Variants in PCDH15 observed in about 807,000 individuals in gnomAD.
PCDH15 encodes the protein protocadherin-15.
Under a neutral mutation model 178.5 loss-of-function variants are expected in PCDH15, and 129 were observed. That is an observed-to-expected ratio of 0.72 (90% CI 0.63 to 0.84). The LOEUF (loss-of-function observed/expected upper bound fraction) is 0.84, where lower values mean the gene tolerates loss of function less well. PCDH15 is among the 40% of genes least tolerant of loss of function. The pLI is 0.00. For missense variants in PCDH15, 2,230 were observed against 2,099.9 expected (o/e 1.06, Z -1.21); for synonymous variants, 800 against 732.0 (o/e 1.09, Z -1.50).
chr10:53,808,800 C>A, intron 37 of PCDH15: 2 of 1,611,782 alleles, frequency 1.2e-6, no homozygotes, highest in Non-Finnish European at 1.7e-6. Context: ...GACCTCCAGA[C>A]TGACTTTCGC....
chr10:54,725,920 T>G (rs1006450033), intron 1 of PCDH15, among the ~76,000 whole-genome samples: 1 of 151,612 alleles, frequency 6.6e-6, no homozygotes, highest in Non-Finnish European at 1.5e-5. Context: ...TGCACTAACT[T>G]GATTGTCACA....
chr10:55,041,374 C>T (rs947592808), intron 2 of PCDH15, among the ~76,000 whole-genome samples: 1 of 152,068 alleles, frequency 6.6e-6, no homozygotes, highest in African/African-American at 2.4e-5. Context: ...GGAGCTAGAA[C>T]TAATGTATGA....
chr10:54,659,420 T>G (rs1274004231), intron 2 of PCDH15, among the ~76,000 whole-genome samples: 1 of 152,126 alleles, frequency 6.6e-6, no homozygotes, highest in African/African-American at 2.4e-5. Context: ...ATCAAAATTA[T>G]GCCAGTTATC....
chr10:55,391,572 C>A (rs925984450), intron 2 of PCDH15, among the ~76,000 whole-genome samples: 1 of 151,960 alleles, frequency 6.6e-6, no homozygotes, highest in Admixed American at 6.6e-5. Context: ...CTGCAACCTC[C>A]GCCTCCCAGA....
chr10:54,675,691 T>A, intron 1 of PCDH15, among the ~76,000 whole-genome samples: 1 of 152,178 alleles, frequency 6.6e-6, no homozygotes, highest in South Asian at 2.1e-4. Context: ...TCCTTTGTAT[T>A]CAGCGAACAC....
chr10:54,154,599 T>A (rs1160365279), intron 13 of PCDH15, among the ~76,000 whole-genome samples: 1 of 152,192 alleles, frequency 6.6e-6, no homozygotes, highest in Non-Finnish European at 1.5e-5. Flanking sequence ...ATGTTTAATA[T>A]CCTCAATAAA....
chr10:55,547,910 T>TGAGAGAGAGAGAGAGAGA (rs763752387), intron 2 of PCDH15, among the ~76,000 whole-genome samples: 5 of 54,512 alleles, frequency 9.2e-5, no homozygotes, highest in South Asian at 9.7e-4. Context: ...TGTGTGTGTG[T>TGAGAGAGAGAGAGAGAGA]GAGAGAGAGA....
intron 2 of PCDH15, among the ~76,000 whole-genome samples, chr10:55,018,240 T>C (rs1840232601): frequency 6.6e-6 from 1 of 152,026 alleles, no homozygotes; most frequent in Non-Finnish European, 1.5e-5. Flanking sequence ...ATGATGAACA[T>C]TTAGGGAACC....
chr10:54,264,620 T>C (rs1283948988), intron 8 of PCDH15, among the ~76,000 whole-genome samples: 2 of 152,110 alleles, frequency 1.3e-5, no homozygotes, highest in African/African-American at 4.8e-5. Context: ...GAAATACGGT[T>C]GGGAGTCTTA....
chr10:54,450,114 C>T (rs1232867836), intron 3 of PCDH15, among the ~76,000 whole-genome samples: 5 of 127,118 alleles, frequency 3.9e-5, no homozygotes, highest in African/African-American at 1.5e-4. Context: ...TGGCAGATGA[C>T]TATTCCTTTT....
At chr10:54,334,698 C>CACACAT (rs1424259554) in intron 6 of PCDH15, among the ~76,000 whole-genome samples, 1 of 151,848 alleles carries the variant, frequency 6.6e-6, no homozygotes, top group Non-Finnish European at 1.5e-5. Flanking sequence ...CACACACACA[C>CACACAT]ACACACACAC....
At chr10:54,556,979 A>G (rs948650898) in intron 2 of PCDH15, among the ~76,000 whole-genome samples, 3 of 152,084 alleles carry the variant, frequency 2.0e-5, no homozygotes, top group Non-Finnish European at 4.4e-5. Context: ...TTTGTGCATG[A>G]TCAATTTGGA....
intron 2 of PCDH15, among the ~76,000 whole-genome samples, chr10:55,371,343 G>A (rs1396867011): frequency 1.3e-5 from 2 of 152,056 alleles, no homozygotes; most frequent in South Asian, 2.1e-4. Flanking sequence ...AATTCGTGGA[G>A]GGGCCTTATA....
chr10:54,856,262 C>G (rs1170124835), intron 3 of PCDH15, among the ~76,000 whole-genome samples: 1 of 152,124 alleles, frequency 6.6e-6, no homozygotes, highest in African/African-American at 2.4e-5. Context: ...ACAGAAAATG[C>G]ACACTTCAGA....
At chr10:53,903,510 C>T in intron 25 of PCDH15, 140 bp from the exon 26 acceptor site, 2 of 878,522 alleles carry the variant, frequency 2.3e-6, no homozygotes, top group Non-Finnish European at 3.6e-6. Context: ...ATGCCTAGCA[C>T]CCCCAAATTC....
At chr10:54,361,895 C>T (rs965837973) in intron 5 of PCDH15, among the ~76,000 whole-genome samples, 1 of 152,026 alleles carries the variant, frequency 6.6e-6, no homozygotes, top group South Asian at 2.1e-4. Context: ...ATATGGTGAG[C>T]AAGTGCTCAG....
In PCDH15 at chr10:54,153,189, G is replaced by A. The variant is rs1404017386; in HGVS notation, c.1695C>T (p.Ile565=). ...DFIINKTTGL[I]TIAPGVEMIV... Reference sequence around the variant, plus strand: ...TCATTTCCACCCCTGGAGCGATGGTGATAAGCCCTGTTGTTTTATTGATGA... The same window carrying A: ...TCATTTCCACCCCTGGAGCGATGGTAATAAGCCCTGTTGTTTTATTGATGA... The change falls in exon 14 of 38, where the codon ATC becomes ATT. Residue 565 remains isoleucine (I), a synonymous_variant. Coordinates refer to ENST00000644397, the MANE Select transcript of PCDH15 (RefSeq NM_001384140.1). 5 of 1,613,844 alleles carry A rather than the reference G, an allele frequency of 3.1e-6. No individual in the cohort carries two copies. The East Asian group carries it at 6.7e-5, about 22-fold the overall frequency.
At chr10:55,143,409 A>G (rs1344942191) in intron 2 of PCDH15, among the ~76,000 whole-genome samples, 2 of 152,110 alleles carry the variant, frequency 1.3e-5, no homozygotes. Context: ...TTGAGTTACT[A>G]AATAACATGA....
At chr10:55,446,778 AT>A (rs1205531882) in intron 2 of PCDH15, among the ~76,000 whole-genome samples, 2 of 152,080 alleles carry the variant, frequency 1.3e-5, no homozygotes, top group African/African-American at 4.8e-5. Flanking sequence ...TACCTAGCTA[AT>A]TTACTACTCT....
Sources: allele counts gnomAD v4.1 joint callset (sites outside exome capture counted in the v4.1 genomes callset), GRCh38; gene constraint gnomAD v4.1.1; transcripts MANE v1.5; gene names NCBI Gene and HGNC (gene_info 2026-07-23, HGNC 2026-07-21).